Variants in PRR16 observed in about 807,000 individuals in gnomAD.
PRR16 encodes protein Largen.
Under a neutral mutation model 18.2 loss-of-function variants are expected in PRR16, and 6 were observed. The ratio of observed to expected loss-of-function variants is 0.33; its 90% CI spans 0.18 to 0.65. The LOEUF is 0.65. Among genes scored for constraint, PRR16 ranks in the 30% least tolerant of loss-of-function variants. The pLI, the probability that PRR16 is intolerant of heterozygous loss-of-function variation, is 0.74. For missense variants in PRR16, 412 were observed against 376.6 expected, an observed-to-expected ratio of 1.09 and a Z score of -0.78; for synonymous variants, 151 against 147.8, an observed-to-expected ratio of 1.02 and a Z score of -0.16.
intron 1 of PRR16, among the ~76,000 whole-genome samples, chr5:120,670,957 A>G (rs1035955628): frequency 6.6e-6 from 1 of 152,130 alleles, no homozygotes; most frequent in African/African-American, 2.4e-5. Flanking sequence ...GTGACTGCCT[A>G]TTACCTTTAG....
At chr5:120,512,850 G>T (rs1265334689) in intron 1 of PRR16, among the ~76,000 whole-genome samples, 3 of 152,088 alleles carry the variant, frequency 2.0e-5, no homozygotes, top group African/African-American at 7.2e-5. Context: ...GCGCAGGCGT[G>T]TTCAAAAGAA....
the PRR16 span, among the ~76,000 whole-genome samples, chr5:120,789,431 G>A: frequency 6.6e-6 from 1 of 151,982 alleles, no homozygotes; most frequent in Non-Finnish European, 1.5e-5. Context: ...TAAAGTGAAG[G>A]AAGATTAATT....
intron 1 of PRR16, among the ~76,000 whole-genome samples, chr5:120,606,080 G>A (rs1040916409): frequency 3.3e-5 from 5 of 152,212 alleles, no homozygotes; most frequent in Non-Finnish European, 7.3e-5. Context: ...TGGCAGTGGG[G>A]CATGTGCATG....
chr5:120,551,277 G>A (rs755728001), intron 1 of PRR16, among the ~76,000 whole-genome samples: 7 of 151,918 alleles, frequency 4.6e-5, no homozygotes, highest in Non-Finnish European at 8.8e-5. Context: ...GTCTTCCTGA[G>A]TCTGGCTTAT....
chr5:120,640,881 TTTGCCATTCTGTGAC>T (rs1755399717), intron 1 of PRR16, among the ~76,000 whole-genome samples: 1 of 152,184 alleles, frequency 6.6e-6, no homozygotes. Context: ...CAGTTTTCAC[TTTGCCATTCTGTGAC>T]TTGGCAGTCT....
the PRR16 span, among the ~76,000 whole-genome samples, chr5:120,762,601 T>G: frequency 6.6e-6 from 1 of 152,200 alleles, no homozygotes; most frequent in African/African-American, 2.4e-5. Context: ...GAGAAATGTC[T>G]ATACAGGTTC....
intron 1 of PRR16, among the ~76,000 whole-genome samples, chr5:120,578,590 T>C (rs62376424): frequency 0.26 from 39,592 of 152,184 alleles, 6,260 homozygotes; most frequent in South Asian, 0.44. Flanking sequence ...TTTCTTTTTA[T>C]GGCTACATAG....
chr5:120,542,516 T>C lies in PRR16; in HGVS notation c.159+77871T>C, dbSNP rs182370962. Among the ~76,000 whole-genome samples the C allele has an allele frequency of 5.3e-5, 8 of 152,304 alleles. No individual in the cohort carries two copies. In the East Asian group the frequency reaches 1.3e-3, roughly 26 times the overall value. The stretch of plus-strand genomic sequence containing the variant: ...AAAACTCCAAACTCTATTTGGAATT[T>C]ACCAGTTTTTCCATTAATGTTCTTC... On this transcript the variant is annotated intron_variant, in intron 1 of 1. Coordinates refer to ENST00000407149, the MANE Select transcript of PRR16 (RefSeq NM_001300783.2).
chr5:120,702,415 G>T, the PRR16 span, among the ~76,000 whole-genome samples: 5 of 151,832 alleles, frequency 3.3e-5, no homozygotes, highest in South Asian at 2.1e-4. Context: ...AGGAGAAGGG[G>T]TTGAGGGGTA....
chr5:120,793,601 T>A, the PRR16 span, among the ~76,000 whole-genome samples: 1 of 152,134 alleles, frequency 6.6e-6, no homozygotes, highest in Non-Finnish European at 1.5e-5. Context: ...CTCACCTATC[T>A]ACATCCTAGG....
At chr5:120,581,080 A>G (rs1287313285) in intron 1 of PRR16, among the ~76,000 whole-genome samples, 1 of 152,220 alleles carries the variant, frequency 6.6e-6, no homozygotes, top group Non-Finnish European at 1.5e-5. Flanking sequence ...TGTTTGGAAT[A>G]GTTTCAGAAA....
At chr5:120,611,130 G>A (rs1754320240) in intron 1 of PRR16, among the ~76,000 whole-genome samples, 1 of 152,190 alleles carries the variant, frequency 6.6e-6, no homozygotes, top group African/African-American at 2.4e-5. Flanking sequence ...TTGACCTTGA[G>A]AGAGATGATT....
At chr5:120,502,607 T>C (rs1246369289) in intron 1 of PRR16, among the ~76,000 whole-genome samples, 2 of 152,152 alleles carry the variant, frequency 1.3e-5, no homozygotes, top group Non-Finnish European at 2.9e-5. Context: ...CCATCTACTG[T>C]GGGAATTCAG....
downstream of PRR16, among the ~76,000 whole-genome samples, chr5:120,688,748 G>A (rs1391179027): frequency 6.6e-6 from 1 of 152,120 alleles, no homozygotes; most frequent in Non-Finnish European, 1.5e-5. Context: ...CGATGTCGGG[G>A]ATCCAAGCCC....
chr5:120,590,312 C>T (rs747591540), intron 1 of PRR16, among the ~76,000 whole-genome samples: 1 of 152,042 alleles, frequency 6.6e-6, no homozygotes, highest in African/African-American at 2.4e-5. Flanking sequence ...CCCATTCAGT[C>T]CTTCTGTGTC....
chr5:120,699,293 C>T, the PRR16 span, among the ~76,000 whole-genome samples: 1 of 152,158 alleles, frequency 6.6e-6, no homozygotes, highest in Admixed American at 6.5e-5. Flanking sequence ...ATAGCATAAC[C>T]TGTCTTTGCT....
the PRR16 span, among the ~76,000 whole-genome samples, chr5:120,741,290 G>C: frequency 2.6e-5 from 4 of 151,854 alleles, no homozygotes; most frequent in South Asian, 8.3e-4. Context: ...GTGTTGCCCA[G>C]GCTAGTTTCA....
intron 1 of PRR16, among the ~76,000 whole-genome samples, chr5:120,557,424 C>G (rs553344178): frequency 1.3e-5 from 2 of 151,942 alleles, no homozygotes; most frequent in African/African-American, 4.8e-5. Flanking sequence ...TTTTCTTCTA[C>G]TTACATGATA....
the PRR16 span, among the ~76,000 whole-genome samples, chr5:120,717,074 G>A: frequency 6.6e-6 from 1 of 151,850 alleles, no homozygotes; most frequent in Non-Finnish European, 1.5e-5. Flanking sequence ...GTCACCCATA[G>A]TTTGACAAGT....
Sources: allele counts gnomAD v4.1 joint callset (sites outside exome capture counted in the v4.1 genomes callset), GRCh38; gene constraint gnomAD v4.1.1; transcripts MANE v1.5; gene names NCBI Gene and HGNC (gene_info 2026-07-23, HGNC 2026-07-21).